ROBO2: variants seen among roughly 807,000 people sequenced by gnomAD.
ROBO2 encodes the protein roundabout homolog 2.
ROBO2 carries 53 observed loss-of-function variants against 160.8 expected under a neutral mutation model. That is an observed-to-expected ratio of 0.33 (90% confidence interval 0.26 to 0.41). The LOEUF (loss-of-function observed/expected upper bound fraction) is 0.41. Among genes scored for constraint, ROBO2 ranks in the 10% least tolerant of loss-of-function variants. ROBO2 has a pLI of 1.00. For missense variants in ROBO2, 1,577 were observed against 1,722.4 expected (o/e 0.92, Z 1.49); for synonymous variants, 664 against 611.7 (o/e 1.09, Z -1.26).
chr3:77,137,644 A>G (rs2076384270), intron 2 of ROBO2, among the ~76,000 whole-genome samples: 1 of 152,202 alleles, frequency 6.6e-6, no homozygotes, highest in Non-Finnish European at 1.5e-5. Flanking sequence ...CTGTATCCCC[A>G]CTGATTTCGA....
intron 5 of ROBO2, among the ~76,000 whole-genome samples, chr3:77,508,752 C>T (rs2088948753): frequency 6.6e-6 from 1 of 151,928 alleles, no homozygotes; most frequent in Non-Finnish European, 1.5e-5. Context: ...ATAATGGAAT[C>T]TGTTTATAAT....
chr3:77,291,333 C>A (rs1406206373), intron 2 of ROBO2, among the ~76,000 whole-genome samples: 1 of 150,362 alleles, frequency 6.7e-6, no homozygotes, highest in Non-Finnish European at 1.5e-5. Flanking sequence ...GCTAGATCAC[C>A]CCAGACGTAA....
At chr3:76,942,738 A>G (rs1245006506) in intron 2 of ROBO2, among the ~76,000 whole-genome samples, 1 of 152,110 alleles carries the variant, frequency 6.6e-6, no homozygotes, top group African/African-American at 2.4e-5. Flanking sequence ...CCTCTTTGAC[A>G]TTGAACACTT....
At chr3:77,317,286 C>T (rs1422317099) in intron 2 of ROBO2, 2 of 760,650 alleles carry the variant, frequency 2.6e-6, no homozygotes, top group East Asian at 4.9e-5. Flanking sequence ...TTTTTTTTTC[C>T]CAGTGTTAGG....
chr3:77,453,545 A>G lies in ROBO2; in HGVS notation c.389-23869A>G, dbSNP rs139221245. On this transcript the variant is annotated intron_variant, in intron 2 of 25. Coordinates refer to ENST00000461745, the Ensembl canonical transcript of ROBO2. ...CTACTCTGATTTCCTCAATTTACAG[A>G]TGCTAATGGAGCTTCATATAACTTG... Among the ~76,000 whole-genome samples, 1,024 of 152,242 alleles carry G rather than the reference A, an allele frequency of 6.7e-3. 6 individuals carry two copies. Among genetic ancestry groups the G allele is most frequent in the Non-Finnish European group, 0.01 (707 of 67,992 alleles).
intron 2 of ROBO2, among the ~76,000 whole-genome samples, chr3:77,256,382 CAT>C (rs1278597385): frequency 2.0e-5 from 3 of 152,236 alleles, no homozygotes; most frequent in African/African-American, 7.2e-5. Context: ...AACTGCATAA[CAT>C]GTAATTTGAG....
chr3:76,472,727 T>G (rs774391093), intron 2 of ROBO2, among the ~76,000 whole-genome samples: 1 of 152,184 alleles, frequency 6.6e-6, no homozygotes, highest in Non-Finnish European at 1.5e-5. Flanking sequence ...TTAATTGGTC[T>G]TATATGGAAA....
At chr3:76,561,630 G>C (rs1384787510) in intron 2 of ROBO2, among the ~76,000 whole-genome samples, 1 of 152,180 alleles carries the variant, frequency 6.6e-6, no homozygotes, top group Non-Finnish European at 1.5e-5. Context: ...TGAGCAAGTG[G>C]TAGGCACAGG....
rs569142759 is a variant in ROBO2, at chr3:76,363,852, T to G, written c.109+426250T>G. Among the ~76,000 whole-genome samples the G allele has an allele frequency of 7.9e-5, 12 of 152,118 alleles. No individual in the cohort carries two copies. The South Asian group carries it at 2.5e-3, about 32-fold the overall frequency. On this transcript the variant is annotated intron_variant, in intron 2 of 26. Transcript: ENST00000487694. Reference sequence around the variant, plus strand: ...TTATTTAAAATATTTTATCCAACACTCTCTTTAAATTTCTTAATCTGGGAC... The same window carrying G: ...TTATTTAAAATATTTTATCCAACACGCTCTTTAAATTTCTTAATCTGGGAC...
intron 2 of ROBO2, among the ~76,000 whole-genome samples, chr3:76,449,594 C>G (rs980215528): frequency 1.1e-4 from 16 of 152,252 alleles, no homozygotes; most frequent in African/African-American, 3.6e-4. Context: ...TGGCAACTCT[C>G]TAGCTACAGT....
chr3:76,674,597 T>TACACACACAC (rs1295641908), intron 2 of ROBO2, among the ~76,000 whole-genome samples: 6 of 33,678 alleles, frequency 1.8e-4, no homozygotes, highest in Non-Finnish European at 3.0e-4. Context: ...CACCTCCTAG[T>TACACACACAC]TCACACACAC....
intron 2 of ROBO2, among the ~76,000 whole-genome samples, chr3:76,377,520 T>G (rs1403337973): frequency 6.6e-6 from 1 of 152,114 alleles, no homozygotes; most frequent in African/African-American, 2.4e-5. Flanking sequence ...ATGTGCAGAG[T>G]TGTGATACTG....
chr3:76,406,587 G>T lies in ROBO2; in HGVS notation c.109+468985G>T, dbSNP rs17014089. On this transcript the variant is annotated intron_variant, in intron 2 of 26. Coordinates refer to the ROBO2 transcript ENST00000487694. The stretch of plus-strand genomic sequence containing the variant: ...AGTTATCTCATTTTTTACAATTAGG[G>T]CACTAAGTCCTCAAGAAACATGATT... Among the ~76,000 whole-genome samples the T allele has an allele frequency of 5.6e-3, 845 of 151,716 alleles. 6 individuals are homozygous for T. The highest frequency in any genetic ancestry group is 0.019 in the African/African-American group (801 of 41,460).
intron 2 of ROBO2, among the ~76,000 whole-genome samples, chr3:76,904,377 G>T (rs2075446591): frequency 6.6e-6 from 1 of 152,098 alleles, no homozygotes; most frequent in Non-Finnish European, 1.5e-5. Flanking sequence ...TGATGGTAAT[G>T]TTGCCAAATA....
intron 2 of ROBO2, among the ~76,000 whole-genome samples, chr3:76,935,690 G>A (rs2077653560): frequency 6.6e-6 from 1 of 152,144 alleles, no homozygotes; most frequent in Non-Finnish European, 1.5e-5. Context: ...CACAGATGGT[G>A]CCTTCTAGCT....
At chr3:77,467,601 ATC>A (rs1560918150) in intron 2 of ROBO2, among the ~76,000 whole-genome samples, 12 of 149,286 alleles carry the variant, frequency 8.0e-5, no homozygotes, top group African/African-American at 3.0e-4. Context: ...CTATCTATCT[ATC>A]TATCTATCTA....
intron 2 of ROBO2, among the ~76,000 whole-genome samples, chr3:76,581,575 C>T (rs1424819489): frequency 6.6e-6 from 1 of 152,094 alleles, no homozygotes; most frequent in East Asian, 1.9e-4. Context: ...GAGGCCAAAG[C>T]TGCAGTGAGC....
intron 2 of ROBO2, among the ~76,000 whole-genome samples, chr3:76,749,263 G>T (rs562526127): frequency 1.3e-5 from 2 of 151,656 alleles, no homozygotes; most frequent in African/African-American, 2.4e-5. Context: ...GAAAAAAATA[G>T]AATTTTTTTT....
intron 1 of ROBO2, among the ~76,000 whole-genome samples, chr3:77,061,581 C>T (rs1481443091): frequency 6.6e-6 from 1 of 152,072 alleles, no homozygotes; most frequent in African/African-American, 2.4e-5. Context: ...GGTTGATTGT[C>T]CAGTCAGTGT....
Sources: gnomAD v4.1 joint callset for allele counts (sites outside exome capture counted in the v4.1 genomes callset) on GRCh38, gnomAD v4.1.1 for gene constraint, MANE v1.5 for transcripts, NCBI Gene and HGNC (gene_info 2026-07-23, HGNC 2026-07-21) for gene names.